Variants in TNFRSF18 observed in about 807,000 individuals in gnomAD.
The protein encoded by TNFRSF18 is TNF receptor superfamily member 18.
TNFRSF18 carries 36 observed loss-of-function variants against 30.2 expected under a neutral mutation model. The observed-to-expected ratio is 1.19, with a 90% CI of 0.91 to 1.58. TNFRSF18 has a LOEUF of 1.58. Among genes scored for constraint, TNFRSF18 ranks in the 40% most tolerant of loss-of-function variants. The pLI is 0.00. For missense variants in TNFRSF18, 369 were observed against 345.4 expected, an observed-to-expected ratio of 1.07 and a Z score of -0.54; for synonymous variants, 173 against 158.3, an observed-to-expected ratio of 1.09 and a Z score of -0.70.
Position 1,206,420 on chromosome 1 carries a change from C to T in TNFRSF18, c.152G>A (p.Arg51Gln), listed in dbSNP as rs1024556529. Reference sequence around the variant, plus strand: ...GCGGCAGCAGCGCGTCGTGTGAACCCGGCAGCAGCGCGCGTCCGTTCCCGT... The same window carrying T: ...GCGGCAGCAGCGCGTCGTGTGAACCTGGCAGCAGCGCGCGTCCGTTCCCGT... ...LGTGTDARCCRVHTTRCCRDY... is the reference protein window; with the variant it reads ...LGTGTDARCCQVHTTRCCRDY... The change falls in exon 1 of 5, where the codon CGG becomes CAG. Residue 51 changes from arginine to glutamine, a missense_variant. Transcript: ENST00000379268. 142 of 1,547,310 alleles carry T rather than the reference C, an allele frequency of 9.2e-5. No homozygotes were observed. Among genetic ancestry groups the T allele is most frequent in the Non-Finnish European group, 1.1e-4 (129 of 1,146,280 alleles).
At position 1,204,503 on chromosome 1, in the gene TNFRSF18, G is replaced by T. The variant is rs1557499385; in HGVS notation, c.311-17C>A. On this transcript the variant is annotated splice_polypyrimidine_tract_variant and intron_variant, in intron 2 of 4. Coordinates refer to ENST00000379268, the MANE Select transcript of TNFRSF18 (RefSeq NM_004195.3). Reference sequence around the variant, plus strand: ...TGAATTTCCCTGGTGTGGGGTGTGGGGGGAGGGAGGGAGGGAGGCTGGTGG... The same window carrying T: ...TGAATTTCCCTGGTGTGGGGTGTGGTGGGAGGGAGGGAGGGAGGCTGGTGG... 2 of 1,528,060 alleles carry T rather than the reference G, an allele frequency of 1.3e-6. No homozygotes were observed. Among genetic ancestry groups the T allele is most frequent in the Non-Finnish European group, 1.8e-6 (2 of 1,104,610 alleles). The allele number at this position is 1,528,060 out of a possible 1,614,324, so 94.7% of individuals were successfully genotyped here.
Position 1,204,070 on chromosome 1 carries a change from T to G in TNFRSF18, c.565A>C (p.Ile189Leu), listed in dbSNP as rs377729971. ...LLTSAQLGLHIWQLRSQCMWP... is the reference protein window; with the variant it reads ...LLTSAQLGLHLWQLRSQCMWP... ...ATGCACTGACTCCTCAGCTGCCAGA[T>G]GTGCAGTCCAAGCTGGGCCGAGGTC... Residue 189 changes from isoleucine to leucine, a missense_variant, in exon 4 of 5, where the codon ATC (isoleucine) becomes CTC (leucine). Physicochemically the swap from Ile to Leu is conservative, Grantham distance 5. Coordinates refer to ENST00000379268, the MANE Select transcript of TNFRSF18 (RefSeq NM_004195.3). The G allele has an allele frequency of 6.2e-7, 1 of 1,606,480 alleles. No individual in the cohort carries two copies. The highest frequency in any genetic ancestry group is 8.5e-7 in the Non-Finnish European group (1 of 1,177,240).
Position 1,205,351 on chromosome 1 carries a change from A to C in TNFRSF18, c.310+19T>G. On this transcript the variant is annotated intron_variant, in intron 2 of 4. Transcript: ENST00000379268. ...ACCCCTGGCCTGTGTGGACTCCCAGAGGCACCTCCAGGACTTACCCTGGGA... is the reference window on the plus strand; with the variant it reads ...ACCCCTGGCCTGTGTGGACTCCCAGCGGCACCTCCAGGACTTACCCTGGGA... 1 of 1,607,632 alleles carries C rather than the reference A, an allele frequency of 6.2e-7. No individual in the cohort carries two copies. The highest frequency in any genetic ancestry group is 8.5e-7 in the Non-Finnish European group (1 of 1,177,870).
At chr1:1,204,622 A>C in intron 2 of TNFRSF18, 136 bp from the exon 3 acceptor site, 1 of 706,156 alleles carries the variant, frequency 1.4e-6, no homozygotes, top group Non-Finnish European at 2.5e-6. Context: ...TCATCCATTC[A>C]ACAGAGTTCT....
intron 1 of TNFRSF18, 125 bp downstream of exon 1, chr1:1,206,260 C>T (rs1034785821): frequency 2.3e-5 from 26 of 1,135,830 alleles, no homozygotes; most frequent in Admixed American, 1.1e-4. Context: ...CTGCTGGCGG[C>T]TCTGTGCCCA....
chr1:1,206,364 A>C (rs562839450), intron 1 of TNFRSF18, 21 bp downstream of exon 1: 22 of 1,544,530 alleles, frequency 1.4e-5, no homozygotes, highest in Admixed American at 2.0e-5. Context: ...GGTCCGCGTT[A>C]AGTAAACGCG....
At chr1:1,204,268 C>A (rs370333027) in intron 3 of TNFRSF18, 32 bp from the exon 4 acceptor site, 2 of 1,598,738 alleles carry the variant, frequency 1.3e-6, no homozygotes, top group Non-Finnish European at 1.7e-6. Flanking sequence ...TCCTATCAGC[C>A]CCCGGACACG....
rs1008979053 is a variant in TNFRSF18, at chr1:1,204,173, G to A, written c.462C>T (p.Val154=). 3 of 1,611,980 alleles carry A rather than the reference G, an allele frequency of 1.9e-6. No homozygotes were observed. The highest frequency in any genetic ancestry group is 2.7e-5 in the African/African-American group (2 of 74,944). ...GCGGCTCTGCCGGCGGGGACCCTGGGACGCACACAGCGTTGTGGGTCTTGT... is the reference window on the plus strand; with the variant it reads ...GCGGCTCTGCCGGCGGGGACCCTGGAACGCACACAGCGTTGTGGGTCTTGT... ...PGNKTHNAVC[V]PGSPPAEPLG... The change falls in exon 4 of 5, where the codon GTC becomes GTT. Residue 154 remains valine, a synonymous_variant. Coordinates refer to ENST00000379268, the MANE Select transcript of TNFRSF18 (RefSeq NM_004195.3).
At position 1,204,171 on chromosome 1, in the gene TNFRSF18, G is replaced by A; in HGVS notation, c.464C>T (p.Pro155Leu). The A allele has an allele frequency of 6.2e-7, 1 of 1,612,034 alleles. No homozygotes were observed. ...AAGCGGCTCTGCCGGCGGGGACCCT[G>A]GGACGCACACAGCGTTGTGGGTCTT... Reference protein sequence around the residue: ...GNKTHNAVCVPGSPPAEPLGW... With the variant: ...GNKTHNAVCVLGSPPAEPLGW... Residue 155 changes from proline (P) to leucine (L), a missense_variant, in exon 4 of 5, where the codon CCA becomes CTA. By Grantham distance (98) the Pro-to-Leu change is moderately conservative. Transcript: ENST00000379268.
At position 1,203,807 on chromosome 1, in the gene TNFRSF18, G is replaced by C. The variant is rs1648653712; in HGVS notation, c.*37C>G. ...CGGCCTGGGGAGCTCCTGGGGAGGG[G>C]CTGGCTGCGGTCGGTGGCCCCGGAG... On this transcript the variant is annotated 3_prime_UTR_variant, in exon 5 of 5. Transcript: ENST00000379268. 1.9e-6 allele frequency: 3 copies of C among 1,574,932 alleles called. No homozygotes were observed. Among genetic ancestry groups the C allele is most frequent in the East Asian group, 4.6e-5 (2 of 43,368 alleles).
rs768924991 is a variant in TNFRSF18, at chr1:1,205,499, A to G, written c.188-7T>C. Reference sequence around the variant, plus strand: ...TCGGAACAGCACTCCTCGCCTGGGCAGGAGACAGGCCAGCCCCCCAGCAGC... The same window carrying G: ...TCGGAACAGCACTCCTCGCCTGGGCGGGAGACAGGCCAGCCCCCCAGCAGC... On this transcript the variant is annotated splice_polypyrimidine_tract_variant and splice_region_variant and intron_variant, in intron 1 of 4. Transcript: ENST00000379268. 8.7e-6 allele frequency: 14 copies of G among 1,610,086 alleles called. No homozygotes were observed. Among genetic ancestry groups the G allele is most frequent in the Non-Finnish European group, 1.2e-5 (14 of 1,178,378 alleles).
At chr1:1,205,568 A>G in intron 1 of TNFRSF18, 76 bp from the exon 2 acceptor site, 4 of 1,509,612 alleles carry the variant, frequency 2.6e-6, no homozygotes, top group Non-Finnish European at 3.6e-6. Flanking sequence ...TCGGCCCTCC[A>G]GGGGAGTGAG....
intron 2 of TNFRSF18, 82 bp from the exon 3 acceptor site, chr1:1,204,568 G>C: frequency 9.1e-7 from 1 of 1,096,004 alleles, no homozygotes; most frequent in Non-Finnish European, 1.4e-6. Context: ...GGCCAGTGCA[G>C]GGGTCCATCT....
intron 1 of TNFRSF18, 143 bp from the exon 2 acceptor site, chr1:1,205,635 G>A: frequency 1.2e-6 from 1 of 844,542 alleles, no homozygotes; most frequent in South Asian, 1.8e-5. Context: ...CTGGCTGGGA[G>A]TCTGGACCCT....
chr1:1,203,585 C>G lies in TNFRSF18; in HGVS notation c.*259G>C. 5 of 1,500,432 alleles carry G rather than the reference C, an allele frequency of 3.3e-6. No homozygotes were observed. The highest frequency in any genetic ancestry group is 4.4e-6 in the Non-Finnish European group (5 of 1,133,310). 92.9% of individuals were successfully genotyped at this position (1,500,432 alleles called of 1,614,324 possible). On this transcript the variant is annotated 3_prime_UTR_variant, in exon 5 of 5. Coordinates refer to ENST00000379268, the MANE Select transcript of TNFRSF18 (RefSeq NM_004195.3). ...CACTGCACACCCACGGACACAGCCT[C>G]CCGTCCTAAGACCCCACCCCATCAG...
intron 2 of TNFRSF18, among the ~76,000 whole-genome samples, chr1:1,204,710 G>A (rs1362924998): frequency 6.6e-6 from 1 of 152,204 alleles, no homozygotes; most frequent in African/African-American, 2.4e-5. Flanking sequence ...GGGCACCTGG[G>A]GGAGGTGCGC....
chr1:1,205,205 C>T (rs1648754266), intron 2 of TNFRSF18, among the ~76,000 whole-genome samples, 165 bp downstream of exon 2: 1 of 152,184 alleles, frequency 6.6e-6, no homozygotes, highest in Non-Finnish European at 1.5e-5. Context: ...CCCAGAGCTT[C>T]ATGGCCTGTG....
intron 1 of TNFRSF18, 42 bp from the exon 2 acceptor site, chr1:1,205,534 G>A (rs915034210): frequency 6.3e-7 from 1 of 1,594,568 alleles, no homozygotes; most frequent in Non-Finnish European, 8.6e-7. Flanking sequence ...CTGGGCTGAG[G>A]CCCCCTCCTC....
rs561589185 is a variant in TNFRSF18 at position 1,204,318 on chromosome 1, T to C, written c.398+81A>G. On this transcript the variant is annotated intron_variant, in intron 3 of 4. Transcript: ENST00000379268. ...CCCGGCTGCTGCCCTCCGTGCTGTC[T>C]GGGGCAAGGGACAGGAGAGGACCCT... The C allele has an allele frequency of 5.0e-6, 8 of 1,593,942 alleles. No individual in the cohort carries two copies. The South Asian group carries it at 7.8e-5, about 16-fold the overall frequency.
Sources: allele counts gnomAD v4.1 joint callset (sites outside exome capture counted in the v4.1 genomes callset), GRCh38; gene constraint gnomAD v4.1.1; transcripts MANE v1.5; gene names NCBI Gene and HGNC (gene_info 2026-07-23, HGNC 2026-07-21).